PCDHA5: variants seen among roughly 807,000 people sequenced by gnomAD.
PCDHA5 encodes protocadherin alpha 5, also known as protocadherin alpha-5.
PCDHA5 carries 43 observed loss-of-function variants against 61.6 expected under a neutral mutation model. The ratio of observed to expected loss-of-function variants is 0.70; its 90% CI spans 0.55 to 0.90. PCDHA5 has a LOEUF of 0.90. Ranked by LOEUF, PCDHA5 falls within the 40% of genes least tolerant of loss-of-function variation. The pLI is 0.00. For missense variants in PCDHA5, 1,298 were observed against 1,222.7 expected, an observed-to-expected ratio of 1.06 and a Z score of -0.92; for synonymous variants, 627 against 543.9, an observed-to-expected ratio of 1.15 and a Z score of -2.13.
chr5:140,843,269 CTGGTG>C, intron 1 of PCDHA5: 1 of 1,596,112 alleles, frequency 6.3e-7, no homozygotes, highest in East Asian at 2.2e-5. Flanking sequence ...TCTGCTGGTC[CTGGTG>C]AAGGATCATG....
chr5:140,842,494 C>T lies in PCDHA5; in HGVS notation c.2352+18367C>T, dbSNP rs2150337446. The T allele has an allele frequency of 1.1e-5, 17 of 1,613,862 alleles. No homozygotes were observed. In the South Asian group the frequency reaches 1.6e-4, roughly 16 times the overall value. On this transcript the variant is annotated intron_variant, in intron 1 of 3. Transcript: ENST00000529859. ...GGCAGGTGACCTGCTCCCTGATGCCCCATGTCCCCTTCAAGCTGGTGTCCA... is the reference window on the plus strand; with the variant it reads ...GGCAGGTGACCTGCTCCCTGATGCCTCATGTCCCCTTCAAGCTGGTGTCCA...
chr5:140,941,185 C>CTTTTT (rs782102770), intron 1 of PCDHA5, among the ~76,000 whole-genome samples: 1 of 102,242 alleles, frequency 9.8e-6, no homozygotes, highest in African/African-American at 3.6e-5. Context: ...CATCCTGCTT[C>CTTTTT]TTTTTTTTTC....
chr5:140,884,396 C>CT, intron 1 of PCDHA5: 1 of 1,614,012 alleles, frequency 6.2e-7, no homozygotes, highest in South Asian at 1.1e-5. Flanking sequence ...GGTGTCCAGC[C>CT]TGTTGGTGCT....
At chr5:140,877,653 C>A in intron 1 of PCDHA5, 1 of 1,613,522 alleles carries the variant, frequency 6.2e-7, no homozygotes, top group Non-Finnish European at 8.5e-7. Flanking sequence ...CAGCGCCGCC[C>A]ACCGTGAGCC....
At chr5:140,851,020 A>G in intron 1 of PCDHA5, 1 of 1,430,342 alleles carries the variant, frequency 7.0e-7, no homozygotes, top group Non-Finnish European at 9.2e-7. Flanking sequence ...TTTCTGATAA[A>G]GTAAACCCCT....
At chr5:140,924,811 C>A (rs1209918868) in intron 1 of PCDHA5, among the ~76,000 whole-genome samples, 6 of 151,654 alleles carry the variant, frequency 4.0e-5, no homozygotes, top group Admixed American at 3.3e-4. Context: ...AAGAGAATCG[C>A]TTGAACCTGG....
At chr5:140,921,213 G>C (rs759293646) in intron 1 of PCDHA5, among the ~76,000 whole-genome samples, 2 of 151,378 alleles carry the variant, frequency 1.3e-5, no homozygotes, top group African/African-American at 2.4e-5. Flanking sequence ...GATAATTCAC[G>C]TCTTTTTTGC....
In PCDHA5 at chr5:140,983,053, C is replaced by T. The variant is rs571565176; in HGVS notation, c.2500+490C>T. 3.3e-5 allele frequency among the ~76,000 whole-genome samples: 5 copies of T among 151,988 alleles called. No homozygotes were observed. In the East Asian group the frequency reaches 5.8e-4, roughly 18 times the overall value. On this transcript the variant is annotated intron_variant, in intron 3 of 3. Transcript: ENST00000529859. ...GTTTCTCATGGAAGTGGAAAATTAT[C>T]GGAACCAAGGCATTGTTTTGAGTTC...
chr5:140,954,354 C>T lies in PCDHA5; in HGVS notation c.2353-24595C>T, dbSNP rs982671490. ...TTCTGCCTCTAGATCTTTGAGGAAT[C>T]GCCACACAGTCTCCCACAATGAGTG... is the stretch of plus-strand genomic sequence containing the variant. On this transcript the variant is annotated intron_variant, in intron 1 of 3. Transcript: ENST00000529859. Among the ~76,000 whole-genome samples the T allele has an allele frequency of 3.3e-5, 5 of 152,286 alleles. No homozygotes were observed. The East Asian group carries it at 5.8e-4, about 18-fold the overall frequency.
chr5:140,830,176 T>C, intron 1 of PCDHA5: 1 of 1,613,552 alleles, frequency 6.2e-7, no homozygotes, highest in Non-Finnish European at 8.5e-7. Context: ...CGCTGGTGGA[T>C]GTCAACGTGT....
intron 1 of PCDHA5, chr5:140,968,079 C>T (rs782150880): frequency 5.0e-6 from 8 of 1,614,142 alleles, no homozygotes; most frequent in Admixed American, 3.3e-5. Flanking sequence ...TACAACATCA[C>T]GGTGACAGCC....
intron 1 of PCDHA5, among the ~76,000 whole-genome samples, chr5:140,940,491 C>A (rs1554213409): frequency 6.6e-6 from 1 of 151,752 alleles, no homozygotes; most frequent in Admixed American, 6.6e-5. Context: ...CAAGACAAGT[C>A]TTGCTCCGTC....
intron 1 of PCDHA5, among the ~76,000 whole-genome samples, chr5:140,924,904 AAT>A (rs1277700524): frequency 5.2e-4 from 28 of 54,160 alleles, no homozygotes; most frequent in African/African-American, 2.1e-3. Context: ...CAAAAAAAAA[AAT>A]AAAATAAAAT....
At chr5:140,853,047 T>C in intron 1 of PCDHA5, 1 of 270,060 alleles carries the variant, frequency 3.7e-6, no homozygotes, top group Non-Finnish European at 5.9e-6. Context: ...CCCGCCTAAT[T>C]TTTTTGTATT....
chr5:140,921,779 T>C (rs1584242105), intron 1 of PCDHA5, among the ~76,000 whole-genome samples: 2 of 152,246 alleles, frequency 1.3e-5, no homozygotes, highest in East Asian at 3.9e-4. Context: ...AATACTGACT[T>C]GGATGTTCTA....
Position 141,010,353 on chromosome 5 carries a change from G to A in PCDHA5, c.*416G>A. On this transcript the variant is annotated 3_prime_UTR_variant, in exon 4 of 4. Transcript: ENST00000529859. ...AGTTTGTGGCCACTGGGTATGTGTG[G>A]CTACCGCGGGTATGCGAGTGCCAGA... is the stretch of plus-strand genomic sequence containing the variant. 1.3e-6 allele frequency: 2 copies of A among 1,507,486 alleles called. No individual in the cohort carries two copies. Among genetic ancestry groups the A allele is most frequent in the Non-Finnish European group, 1.8e-6 (2 of 1,128,244 alleles). The allele number at this position is 1,507,486 out of a possible 1,614,324, so 93.4% of individuals were successfully genotyped here. A position where few individuals can be genotyped will look rare whatever the true frequency, so the allele number is the denominator to read the frequency against.
chr5:140,830,614 TTG>T (rs1387881436), intron 1 of PCDHA5: 73 of 608,268 alleles, frequency 1.2e-4, no homozygotes, highest in East Asian at 2.1e-4. Context: ...TTTCATTTTA[TTG>T]TGTTTCTTAT....
At chr5:140,906,416 T>A (rs2072639287) in intron 1 of PCDHA5, among the ~76,000 whole-genome samples, 1 of 152,190 alleles carries the variant, frequency 6.6e-6, no homozygotes, top group African/African-American at 2.4e-5. Flanking sequence ...AGTCAATAAA[T>A]CTTATGTCAC....
intron 1 of PCDHA5, chr5:140,857,530 G>T (rs1554150174): frequency 2.5e-6 from 4 of 1,597,696 alleles, no homozygotes; most frequent in Non-Finnish European, 3.4e-6. Flanking sequence ...ACTCTCTGGT[G>T]GAGCGGCGGT....
Sources: allele counts gnomAD v4.1 joint callset (sites outside exome capture counted in the v4.1 genomes callset), GRCh38; gene constraint gnomAD v4.1.1; transcripts MANE v1.5; gene names NCBI Gene and HGNC (gene_info 2026-07-23, HGNC 2026-07-21).